Variants in ADGRL3 observed in about 807,000 individuals in gnomAD.
The protein encoded by ADGRL3 is calcium-independent alpha-latrotoxin receptor 3.
A neutral mutation model predicts 153.5 loss-of-function variants in ADGRL3; 62 were observed. The observed-to-expected ratio is 0.40, with a 90% CI of 0.33 to 0.50. The LOEUF (loss-of-function observed/expected upper bound fraction) is 0.50. ADGRL3 is among the 20% of genes least tolerant of loss of function. The pLI, the probability that ADGRL3 is intolerant of heterozygous loss-of-function variation, is 0.47. For missense variants in ADGRL3, 1,641 were observed against 1,859.4 expected, an observed-to-expected ratio of 0.88 and a Z score of 2.16; for synonymous variants, 710 against 672.5, an observed-to-expected ratio of 1.06 and a Z score of -0.86.
At chr4:61,294,991 C>T (rs2094358000) in intron 1 of ADGRL3, among the ~76,000 whole-genome samples, 1 of 151,590 alleles carries the variant, frequency 6.6e-6, no homozygotes, top group African/African-American at 2.4e-5. Context: ...CTGAGGTTAG[C>T]CATGGTCTTA....
At chr4:61,595,333 C>G (rs561721696) in intron 5 of ADGRL3, among the ~76,000 whole-genome samples, 1 of 152,246 alleles carries the variant, frequency 6.6e-6, no homozygotes, top group South Asian at 2.1e-4. Context: ...CCCTGGGTAT[C>G]AATGGTGGTT....
intron 8 of ADGRL3, among the ~76,000 whole-genome samples, chr4:61,756,952 G>C (rs2152117781): frequency 6.6e-6 from 1 of 152,284 alleles, no homozygotes; most frequent in African/African-American, 2.4e-5. Flanking sequence ...AACCAGACTT[G>C]TATCCCAGGG....
At chr4:61,993,512 G>A (rs547848980) in intron 19 of ADGRL3, among the ~76,000 whole-genome samples, 13 of 151,580 alleles carry the variant, frequency 8.6e-5, no homozygotes, top group East Asian at 5.9e-4. Flanking sequence ...GACTGGTCTC[G>A]AACTCCTGAC....
chr4:61,876,319 C>T (rs538977621), intron 9 of ADGRL3, among the ~76,000 whole-genome samples: 14 of 150,758 alleles, frequency 9.3e-5, no homozygotes, highest in African/African-American at 3.2e-4. Flanking sequence ...ACACTTAGTC[C>T]AGTTTAGGGA....
At chr4:62,064,058 A>G (rs1487344039) in intron 25 of ADGRL3, among the ~76,000 whole-genome samples, 1 of 152,122 alleles carries the variant, frequency 6.6e-6, no homozygotes, top group African/African-American at 2.4e-5. Context: ...GTTATACCAT[A>G]AAGTACACTC....
intron 8 of ADGRL3, among the ~76,000 whole-genome samples, chr4:61,769,704 A>G (rs1373885591): frequency 5.3e-5 from 8 of 150,810 alleles, no homozygotes; most frequent in African/African-American, 2.0e-4. Flanking sequence ...AAGGAAAATT[A>G]CAGTCCAAGG....
In ADGRL3 at chr4:62,013,756, C is replaced by T. The variant is rs545611834; in HGVS notation, c.3396-15099C>T. Among the ~76,000 whole-genome samples the T allele has an allele frequency of 1.4e-3, 219 of 151,762 alleles. 2 individuals carry two copies. The highest frequency in any genetic ancestry group is 1.7e-3 in the Non-Finnish European group (114 of 67,922). ...TACAAAAATTAGCTGGGCATGGTGG[C>T]GCATGCCTGTAGTCCCAGCAACTCA... is the stretch of plus-strand genomic sequence containing the variant. On this transcript the variant is annotated intron_variant, in intron 21 of 26. Transcript: ENST00000683033.
At chr4:61,869,960 AAGAGAGAGAGAGAGAAAG>A (rs2098430676) in intron 9 of ADGRL3, among the ~76,000 whole-genome samples, 1 of 101,866 alleles carries the variant, frequency 9.8e-6, no homozygotes. Flanking sequence ...AAAAAAAAAA[AAGAGAGAGAGAGAGAAAG>A]AGAGAGAGAG....
chr4:61,591,705 T>C (rs1451751821), intron 5 of ADGRL3, among the ~76,000 whole-genome samples: 2 of 151,996 alleles, frequency 1.3e-5, no homozygotes, highest in Non-Finnish European at 2.9e-5. Context: ...TTTTTCTATT[T>C]AAAGGAGCGA....
At chr4:61,807,665 T>C (rs867382366) in intron 8 of ADGRL3, among the ~76,000 whole-genome samples, 4 of 152,220 alleles carry the variant, frequency 2.6e-5, no homozygotes, top group African/African-American at 2.4e-5. Context: ...AATTTCACAC[T>C]AAATTCATTT....
intron 8 of ADGRL3, chr4:61,775,402 TTGTGTGTGTG>T (rs61671331): frequency 9.3e-5 from 42 of 453,998 alleles, no homozygotes; most frequent in East Asian, 2.2e-4. Flanking sequence ...TTTTCTTTCT[TTGTGTGTGTG>T]TGTGTGTGTG....
At chr4:61,262,495 A>G (rs1415496731) in intron 1 of ADGRL3, among the ~76,000 whole-genome samples, 1 of 152,082 alleles carries the variant, frequency 6.6e-6, no homozygotes, top group African/African-American at 2.4e-5. Flanking sequence ...ATTTGCTTTC[A>G]GATTCTCCAG....
chr4:61,287,304 C>T (rs949703545), intron 1 of ADGRL3, among the ~76,000 whole-genome samples: 1 of 151,796 alleles, frequency 6.6e-6, no homozygotes, highest in Non-Finnish European at 1.5e-5. Flanking sequence ...GTGATATCGC[C>T]TGCAAGAGTA....
chr4:61,958,825 T>C (rs913343076), intron 17 of ADGRL3, among the ~76,000 whole-genome samples: 6 of 152,098 alleles, frequency 3.9e-5, no homozygotes, highest in African/African-American at 1.4e-4. Context: ...GTCAGGGTTA[T>C]CTCTGAATTC....
chr4:61,586,058 T>G (rs2098945354), intron 4 of ADGRL3, among the ~76,000 whole-genome samples: 1 of 152,036 alleles, frequency 6.6e-6, no homozygotes, highest in African/African-American at 2.4e-5. Flanking sequence ...GTTAAAGATA[T>G]TATACCATTC....
At chr4:61,344,015 T>G (rs1351626728) in intron 1 of ADGRL3, among the ~76,000 whole-genome samples, 2 of 152,230 alleles carry the variant, frequency 1.3e-5, no homozygotes, top group Non-Finnish European at 2.9e-5. Context: ...GAGATGGATT[T>G]ATGCAGCATA....
intron 4 of ADGRL3, among the ~76,000 whole-genome samples, chr4:61,525,726 T>C (rs1485358024): frequency 2.0e-5 from 3 of 151,954 alleles, no homozygotes; most frequent in African/African-American, 2.4e-5. Flanking sequence ...GGGCTACTAA[T>C]TGGATGCAAG....
intron 5 of ADGRL3, among the ~76,000 whole-genome samples, chr4:61,630,787 G>A (rs1446403220): frequency 1.3e-5 from 2 of 152,180 alleles, no homozygotes; most frequent in Non-Finnish European, 2.9e-5. Flanking sequence ...TATGGACAGG[G>A]AAATAGATGG....
intron 8 of ADGRL3, among the ~76,000 whole-genome samples, chr4:61,746,738 G>C (rs1298172542): frequency 2.0e-5 from 3 of 152,188 alleles, no homozygotes; most frequent in Non-Finnish European, 4.4e-5. Context: ...AGCACTAAAT[G>C]TCCACAAGAG....
Sources: gnomAD v4.1 joint callset for allele counts (sites outside exome capture counted in the v4.1 genomes callset) on GRCh38, gnomAD v4.1.1 for gene constraint, MANE v1.5 for transcripts, NCBI Gene and HGNC (gene_info 2026-07-23, HGNC 2026-07-21) for gene names.